TENM3: variants seen among roughly 807,000 people sequenced by gnomAD.
The protein encoded by TENM3 is teneurin-3.
Under a neutral mutation model 255.1 loss-of-function variants are expected in TENM3, and 63 were observed. The ratio of observed to expected loss-of-function variants is 0.25; its 90% CI spans 0.20 to 0.30. The LOEUF is 0.30. Among genes scored for constraint, TENM3 ranks in the 10% least tolerant of loss-of-function variants. The probability of loss-of-function intolerance (pLI) is 1.00; values close to 1 mark genes in which losing one functional copy is unlikely to be tolerated. For missense variants in TENM3, 2,929 were observed against 3,461.1 expected (o/e 0.85, Z 3.86); for synonymous variants, 1,306 against 1,322.3 (o/e 0.99, Z 0.27).
chr4:181,802,232 T>A, the TENM3 span, among the ~76,000 whole-genome samples: 1 of 152,344 alleles, frequency 6.6e-6, no homozygotes. Flanking sequence ...ATGGCTATTG[T>A]GTTCCTGGGA....
the TENM3 span, among the ~76,000 whole-genome samples, chr4:181,888,536 GTATATATATATATGTA>G: frequency 4.3e-5 from 3 of 69,792 alleles, no homozygotes; most frequent in East Asian, 3.8e-4. Flanking sequence ...ACATATATGT[GTATATATATATATGTA>G]TATATATACA....
chr4:181,677,159 C>T, the TENM3 span, among the ~76,000 whole-genome samples: 1 of 151,988 alleles, frequency 6.6e-6, no homozygotes, highest in Non-Finnish European at 1.5e-5. Context: ...GTGTCCATTG[C>T]GTTCTTTAAC....
chr4:182,699,464 T>C (rs1757680930), intron 12 of TENM3, among the ~76,000 whole-genome samples: 1 of 152,202 alleles, frequency 6.6e-6, no homozygotes, highest in African/African-American at 2.4e-5. Flanking sequence ...CTCAAAACAG[T>C]TTACTGTGTA....
At chr4:182,413,717 A>C (rs1036335890) in intron 3 of TENM3, among the ~76,000 whole-genome samples, 1 of 152,176 alleles carries the variant, frequency 6.6e-6, no homozygotes, top group Non-Finnish European at 1.5e-5. Flanking sequence ...TGCTTTTGAC[A>C]TAGAGAGTAA....
the TENM3 span, among the ~76,000 whole-genome samples, chr4:181,576,098 G>GC: frequency 3.9e-5 from 6 of 152,106 alleles, no homozygotes; most frequent in South Asian, 2.1e-4. Context: ...CTGATCATCC[G>GC]CCCCTCCTAC....
chr4:181,601,319 G>A, the TENM3 span, among the ~76,000 whole-genome samples: 3 of 152,130 alleles, frequency 2.0e-5, no homozygotes, highest in African/African-American at 2.4e-5. Context: ...TGCTATGGTT[G>A]CCATAACAAA....
At chr4:181,501,588 C>T in the TENM3 span, among the ~76,000 whole-genome samples, 7 of 152,110 alleles carry the variant, frequency 4.6e-5, no homozygotes, top group East Asian at 1.4e-3. Context: ...CTAGGTTGGC[C>T]AGGCTGCTCT....
chr4:181,742,833 CT>C, the TENM3 span, among the ~76,000 whole-genome samples: 166 of 137,568 alleles, frequency 1.2e-3, no homozygotes, highest in African/African-American at 4.1e-3. Flanking sequence ...TCCCTCCCCC[CT>C]CCCCACAACA....
At chr4:181,784,323 T>A in the TENM3 span, among the ~76,000 whole-genome samples, 1 of 152,138 alleles carries the variant, frequency 6.6e-6, no homozygotes, top group African/African-American at 2.4e-5. Flanking sequence ...AATGAACATG[T>A]GATTTTATCT....
At chr4:181,493,618 A>G in the TENM3 span, among the ~76,000 whole-genome samples, 1 of 152,044 alleles carries the variant, frequency 6.6e-6, no homozygotes, top group Non-Finnish European at 1.5e-5. Flanking sequence ...ATGGTGGTGC[A>G]TGCCTGTAAC....
At chr4:181,592,120 G>GGT in the TENM3 span, among the ~76,000 whole-genome samples, 2 of 152,118 alleles carry the variant, frequency 1.3e-5, no homozygotes, top group African/African-American at 4.8e-5. Flanking sequence ...TTTTGCAGGT[G>GGT]GTGGATATGT....
chr4:181,761,360 A>G, the TENM3 span, among the ~76,000 whole-genome samples: 2 of 152,106 alleles, frequency 1.3e-5, no homozygotes, highest in Non-Finnish European at 2.9e-5. Context: ...GCCCAACATA[A>G]ACAACTGTGC....
the TENM3 span, among the ~76,000 whole-genome samples, chr4:181,866,235 G>T: frequency 2.0e-5 from 3 of 152,108 alleles, no homozygotes; most frequent in African/African-American, 7.2e-5. Flanking sequence ...AGAAATCAAG[G>T]CTGTTAACTC....
chr4:182,601,936 A>G (rs1396093584), intron 4 of TENM3, among the ~76,000 whole-genome samples: 1 of 152,236 alleles, frequency 6.6e-6, no homozygotes, highest in African/African-American at 2.4e-5. Context: ...CTCTGTACAC[A>G]TAGCATAGTG....
intron 3 of TENM3, among the ~76,000 whole-genome samples, chr4:182,377,000 C>T (rs1269182553): frequency 2.6e-5 from 4 of 152,128 alleles, no homozygotes; most frequent in South Asian, 2.1e-4. Flanking sequence ...ATAGCAACCC[C>T]GGAATACTCC....
rs575978971 is a variant in TENM3 at position 182,223,444 on chromosome 4, G to A, written c.-76+78690G>A. Among the ~76,000 whole-genome samples the A allele has an allele frequency of 2.4e-4, 36 of 151,948 alleles. 2 individuals carry two copies. In the South Asian group the frequency reaches 7.3e-3, roughly 31 times the overall value. On this transcript the variant is annotated intron_variant, in intron 1 of 2. Coordinates refer to the TENM3 transcript ENST00000512480. ...TTGCTAAAAGTGACAAGAACCATTC[G>A]GCCTATGCTGGCATAGAAAGCAGCA...
chr4:181,533,581 T>C, the TENM3 span, among the ~76,000 whole-genome samples: 2 of 152,170 alleles, frequency 1.3e-5, no homozygotes, highest in Non-Finnish European at 2.9e-5. Context: ...GATCTTCCAC[T>C]GGGGTCTCCT....
chr4:181,600,521 A>C, the TENM3 span, among the ~76,000 whole-genome samples: 1 of 152,110 alleles, frequency 6.6e-6, no homozygotes, highest in Non-Finnish European at 1.5e-5. Context: ...GCAGGCAAAC[A>C]CTTTCCCTAG....
chr4:181,737,724 C>T, the TENM3 span, among the ~76,000 whole-genome samples: 6 of 151,888 alleles, frequency 4.0e-5, no homozygotes, highest in South Asian at 2.1e-4. Context: ...CAAGACATGA[C>T]GCTGTATATA....
Sources: allele counts gnomAD v4.1 joint callset (sites outside exome capture counted in the v4.1 genomes callset), GRCh38; gene constraint gnomAD v4.1.1; transcripts MANE v1.5; gene names NCBI Gene and HGNC (gene_info 2026-07-23, HGNC 2026-07-21).